Variants in PLD1 observed in about 807,000 individuals in gnomAD.
PLD1 encodes phospholipase D1.
A neutral mutation model predicts 137.1 loss-of-function variants in PLD1; 112 were observed. The observed-to-expected ratio is 0.82, with a 90% CI of 0.70 to 0.96. PLD1 has a LOEUF of 0.96. Ranked by LOEUF, PLD1 falls within the 40% of genes least tolerant of loss-of-function variation. PLD1 has a pLI of 0.00. For missense variants in PLD1, 1,321 were observed against 1,342.0 expected (o/e 0.98, Z 0.24); for synonymous variants, 431 against 454.7 (o/e 0.95, Z 0.66).
chr3:171,747,725 TGCATGCA>T (rs1720344339), intron 1 of PLD1, among the ~76,000 whole-genome samples: 1 of 152,210 alleles, frequency 6.6e-6, no homozygotes. Context: ...CCAGGTGGTT[TGCATGCA>T]TTAACTCAAT....
At chr3:171,736,090 G>A (rs777623348) in intron 3 of PLD1, among the ~76,000 whole-genome samples, 3 of 152,118 alleles carry the variant, frequency 2.0e-5, no homozygotes, top group South Asian at 2.1e-4. Flanking sequence ...GAAATGGCAC[G>A]ACATGCCTTC....
At chr3:171,603,569 T>C (rs1210346834) in intron 26 of PLD1, among the ~76,000 whole-genome samples, 1 of 151,932 alleles carries the variant, frequency 6.6e-6, no homozygotes, top group Admixed American at 6.6e-5. Context: ...TTAAGGTTAA[T>C]TTTTTTTGGA....
intron 1 of PLD1, among the ~76,000 whole-genome samples, chr3:171,781,226 T>C (rs1722784585): frequency 8.7e-6 from 1 of 115,434 alleles, no homozygotes; most frequent in African/African-American, 3.3e-5. Flanking sequence ...AAAAAATGAC[T>C]TATTAACAAA....
chr3:171,628,296 C>T (rs553813859), intron 23 of PLD1, among the ~76,000 whole-genome samples: 69 of 152,292 alleles, frequency 4.5e-4, no homozygotes, highest in African/African-American at 1.5e-3. Context: ...ATACACCCTT[C>T]GAAGACTAAA....
Position 171,735,498 on chromosome 3 carries a change from G to C in PLD1, c.428C>G (p.Thr143Ser). The change falls in exon 4 of 27, where the codon ACT becomes AGT. Residue 143 changes from threonine (T) to serine (S), a missense_variant. By Grantham distance (58) the Thr-to-Ser change is moderately conservative (BLOSUM62 1). Transcript: ENST00000351298. The part of the protein sequence containing the change: ...YKAFIRIPIP[T>S]RRHTFRRQNV... ...TTAATTCCAAAATGGTTACCTTCTA[G>C]TGGGAATGGGGATGCGGATAAAGGC... 6.2e-7 allele frequency: 1 copy of C among 1,613,088 alleles called. No individual in the cohort carries two copies.
At chr3:171,731,779 A>T (rs1431856513) in intron 6 of PLD1, among the ~76,000 whole-genome samples, 1 of 149,498 alleles carries the variant, frequency 6.7e-6, no homozygotes, top group Non-Finnish European at 1.5e-5. Context: ...CCCAAAAAAG[A>T]AAAAAAAAAG....
At position 171,775,785 on chromosome 3, in the gene PLD1, G is replaced by C. The variant is rs573347335; in HGVS notation, c.-32+34614C>G. 2.6e-5 allele frequency among the ~76,000 whole-genome samples: 4 copies of C among 152,286 alleles called. No homozygotes were observed. In the East Asian group the frequency reaches 5.8e-4, roughly 22 times the overall value. On this transcript the variant is annotated intron_variant, in intron 1 of 26. Transcript: ENST00000351298. ...TTGAACCCAGGAGGCAGAGGTTGCA[G>C]TGAGCAGAGACTATGCCACTGCACT...
Position 171,642,901 on chromosome 3 carries a change from T to C in PLD1, c.2544-12A>G. 1 of 1,521,220 alleles carries C rather than the reference T, an allele frequency of 6.6e-7. No individual in the cohort carries two copies. The highest frequency in any genetic ancestry group is 9.1e-7 in the Non-Finnish European group (1 of 1,102,582). 94.2% of individuals were successfully genotyped at this position (1,521,220 alleles called of 1,614,324 possible). A position where few individuals can be genotyped will look rare whatever the true frequency, so the allele number is the denominator to read the frequency against. ...CTCTGCACATGGTTCTGAAAATATG[T>C]AAAGGAGAAAATAATTACAGAGGTT... On this transcript the variant is annotated splice_polypyrimidine_tract_variant and intron_variant, in intron 22 of 26. Transcript: ENST00000351298.
intron 1 of PLD1, chr3:171,791,805 G>A (rs1308094382): frequency 1.3e-5 from 2 of 152,012 alleles, no homozygotes; most frequent in African/African-American, 4.8e-5. Context: ...GAGGGAGGGA[G>A]GTGAGGTTAA....
intron 16 of PLD1, among the ~76,000 whole-genome samples, chr3:171,679,732 ATTTGTT>A: frequency 6.6e-6 from 1 of 152,192 alleles, no homozygotes; most frequent in Non-Finnish European, 1.5e-5. Flanking sequence ...CATAATTCAA[ATTTGTT>A]TTTGTTTTTA....
intron 21 of PLD1, among the ~76,000 whole-genome samples, chr3:171,646,584 T>C (rs904971359): frequency 6.6e-6 from 1 of 151,056 alleles, no homozygotes; most frequent in Admixed American, 6.6e-5. Context: ...AAAGAAGACA[T>C]TAAAAAATGT....
chr3:171,605,405 C>A lies in PLD1; in HGVS notation c.2894G>T (p.Gly965Val), dbSNP rs1171890318. Reference sequence around the variant, plus strand: ...GTCCTCACTTGGGTCATCAAGATAGCCAAGGACAACCCTGAAATACAAGTG... The same window carrying A: ...GTCCTCACTTGGGTCATCAAGATAGACAAGGACAACCCTGAAATACAAGTG... Reference protein sequence around the residue: ...LRLQCFRVVLGYLDDPSEDIQ... With the variant: ...LRLQCFRVVLVYLDDPSEDIQ... Residue 965 changes from glycine (G) to valine (V), a missense_variant, in exon 26 of 27, where the codon GGC (glycine) becomes GTC (valine). Transcript: ENST00000351298. The A allele has an allele frequency of 1.2e-6, 2 of 1,604,856 alleles. No homozygotes were observed. Among genetic ancestry groups the A allele is most frequent in the Non-Finnish European group, 1.7e-6 (2 of 1,171,796 alleles).
At position 171,708,768 on chromosome 3, in the gene PLD1, T is replaced by C; in HGVS notation, c.1132A>G (p.Ile378Val). 6.3e-7 allele frequency: 1 copy of C among 1,591,158 alleles called. No homozygotes were observed. Residue 378 changes from isoleucine (I) to valine (V), a missense_variant, in exon 11 of 27, where the codon ATC (isoleucine) becomes GTC (valine). Coordinates refer to ENST00000351298, the MANE Select transcript of PLD1 (RefSeq NM_002662.5). ...ACAAATACTAACCACCAGTCTGTGA[T>C]AAAAATCTCTTCATTTGCCTCTTCC... ...AMEEANEEIFITDWWLSPEIF... is the reference protein window; with the variant it reads ...AMEEANEEIFVTDWWLSPEIF...
chr3:171,778,294 C>T (rs1261021859), intron 1 of PLD1, among the ~76,000 whole-genome samples: 1 of 152,132 alleles, frequency 6.6e-6, no homozygotes, highest in Non-Finnish European at 1.5e-5. Flanking sequence ...ACCTACTATG[C>T]GACAGGCATT....
chr3:171,669,859 A>C lies in PLD1; in HGVS notation c.2229+4641T>G, dbSNP rs140875603. On this transcript the variant is annotated intron_variant, in intron 19 of 26. Coordinates refer to ENST00000351298, the MANE Select transcript of PLD1 (RefSeq NM_002662.5). ...TTTATGTTTTTTAAATGAATGAAACATACTGCAGAGTGAAGTAATTTTCCC... is the reference window on the plus strand; with the variant it reads ...TTTATGTTTTTTAAATGAATGAAACCTACTGCAGAGTGAAGTAATTTTCCC... Among the ~76,000 whole-genome samples the C allele has an allele frequency of 5.0e-3, 755 of 152,356 alleles. 4 individuals are homozygous for C. Among genetic ancestry groups the C allele is most frequent in the African/African-American group, 0.017 (724 of 41,582 alleles).
intron 1 of PLD1, among the ~76,000 whole-genome samples, chr3:171,754,394 C>A (rs1720871369): frequency 1.3e-5 from 2 of 152,178 alleles, no homozygotes; most frequent in Admixed American, 1.3e-4. Flanking sequence ...TTATTTTTAA[C>A]CTTCTTTTCA....
intron 1 of PLD1, among the ~76,000 whole-genome samples, chr3:171,777,141 A>C (rs1240984567): frequency 6.6e-6 from 1 of 152,136 alleles, no homozygotes; most frequent in Non-Finnish European, 1.5e-5. Context: ...TCATGGATGG[A>C]TCTTTAATTT....
At chr3:171,630,417 G>A (rs1227161351) in intron 23 of PLD1, among the ~76,000 whole-genome samples, 2 of 127,416 alleles carry the variant, frequency 1.6e-5, no homozygotes, top group Non-Finnish European at 3.2e-5. Flanking sequence ...CTGTTGGTGG[G>A]ACTGTAAACT....
chr3:171,728,220 G>T lies in PLD1; in HGVS notation c.607-2144C>A, dbSNP rs188729850. 8.5e-5 allele frequency among the ~76,000 whole-genome samples: 13 copies of T among 152,308 alleles called. No individual in the cohort carries two copies. The East Asian group carries it at 2.1e-3, about 25-fold the overall frequency. Reference sequence around the variant, plus strand: ...AGCTACTCAGGAGGCAGAGGCTGAGGCAGGAGAATCACTTGAACCCGGGAG... The same window carrying T: ...AGCTACTCAGGAGGCAGAGGCTGAGTCAGGAGAATCACTTGAACCCGGGAG... On this transcript the variant is annotated intron_variant, in intron 6 of 26. Coordinates refer to ENST00000351298, the MANE Select transcript of PLD1 (RefSeq NM_002662.5).
Sources: allele counts gnomAD v4.1 joint callset (sites outside exome capture counted in the v4.1 genomes callset), GRCh38; gene constraint gnomAD v4.1.1; transcripts MANE v1.5; gene names NCBI Gene and HGNC (gene_info 2026-07-23, HGNC 2026-07-21).